The following NTM variants were observed in gnomAD, a reference collection of about 807,000 sequenced individuals.
The protein encoded by NTM is neurotrimin.
NTM carries 13 observed loss-of-function variants against 42.1 expected under a neutral mutation model. The observed-to-expected ratio is 0.31, with a 90% CI of 0.20 to 0.49. The LOEUF is 0.49. Ranked by LOEUF, NTM falls within the 20% of genes least tolerant of loss-of-function variation. The pLI, the probability that NTM is intolerant of heterozygous loss-of-function variation, is 0.99. For missense variants in NTM, 373 were observed against 452.8 expected, an observed-to-expected ratio of 0.82 and a Z score of 1.60; for synonymous variants, 187 against 179.2, an observed-to-expected ratio of 1.04 and a Z score of -0.35.
intron 1 of NTM, among the ~76,000 whole-genome samples, chr11:131,417,833 T>C (rs936301192): frequency 6.6e-6 from 1 of 152,204 alleles, no homozygotes; most frequent in African/African-American, 2.4e-5. Context: ...ATCCACAACA[T>C]GTACTGCTAG....
rs561784777 is a variant in NTM, at chr11:132,070,209, C to T, written c.168-76073C>T. 3.4e-5 allele frequency among the ~76,000 whole-genome samples: 5 copies of T among 145,718 alleles called. No homozygotes were observed. In the South Asian group the frequency reaches 1.1e-3, roughly 33 times the overall value. On this transcript the variant is annotated intron_variant, in intron 2 of 8. Transcript: ENST00000683400. ...CACACAGCCAAGTTAACACGTCAAA[C>T]TGACCATCACAGGTTAGTTAACACG... is the stretch of plus-strand genomic sequence containing the variant.
chr11:132,223,934 C>A (rs552229552), intron 4 of NTM, among the ~76,000 whole-genome samples: 3 of 152,112 alleles, frequency 2.0e-5, no homozygotes, highest in African/African-American at 4.8e-5. Context: ...GTTGCAGTCA[C>A]CCCAGATAAT....
chr11:132,014,736 G>GTTTTTTTTTT (rs146527050), intron 2 of NTM, among the ~76,000 whole-genome samples: 53 of 83,970 alleles, frequency 6.3e-4, no homozygotes, highest in East Asian at 8.9e-4. Context: ...AGAATTACTT[G>GTTTTTTTTTT]TTTTTTTTTT....
At chr11:132,284,187 C>G (rs559058836) in intron 4 of NTM, 3 of 152,400 alleles carry the variant, frequency 2.0e-5, no homozygotes, top group South Asian at 2.1e-4. Context: ...TCTGGGCTTT[C>G]CCCTGGACAC....
At chr11:131,556,494 A>C (rs986414860) in intron 1 of NTM, among the ~76,000 whole-genome samples, 3 of 152,082 alleles carry the variant, frequency 2.0e-5, no homozygotes, top group Admixed American at 2.0e-4. Context: ...TAGACAAATT[A>C]CTTAAAGTTT....
intron 1 of NTM, among the ~76,000 whole-genome samples, chr11:131,816,071 A>G (rs974419580): frequency 1.3e-5 from 2 of 152,158 alleles, no homozygotes; most frequent in African/African-American, 4.8e-5. Flanking sequence ...AAGCTTTCAT[A>G]TTTCCAGATG....
intron 3 of NTM, among the ~76,000 whole-genome samples, chr11:132,189,432 T>G (rs777885833): frequency 9.2e-5 from 14 of 152,282 alleles, no homozygotes; most frequent in Non-Finnish European, 1.8e-4. Flanking sequence ...ACAGGTTTCT[T>G]GTTTAGCTTT....
intron 1 of NTM, among the ~76,000 whole-genome samples, chr11:131,732,531 G>C (rs2079826499): frequency 6.6e-6 from 1 of 152,184 alleles, no homozygotes; most frequent in African/African-American, 2.4e-5. Flanking sequence ...TTCAGAAGGG[G>C]AAATTGGAAG....
intron 1 of NTM, among the ~76,000 whole-genome samples, chr11:131,487,842 G>T (rs1160352014): frequency 6.6e-6 from 1 of 152,226 alleles, no homozygotes; most frequent in African/African-American, 2.4e-5. Flanking sequence ...ACACTGACAG[G>T]TGCAGCTCTG....
At position 131,789,473 on chromosome 11, in the gene NTM, AAG is replaced by A. The variant is rs758451362; in HGVS notation, c.83-122089_83-122088del. ...GAAGAAGAAGAAGAAGAAGAAGAAGAAGAAGAAGAAGAAGAAGAGGAAAGAAG... is the reference window on the plus strand; with the variant it reads ...GAAGAAGAAGAAGAAGAAGAAGAAGAAAGAAGAAGAAGAAGAGGAAAGAAG... On this transcript the variant is annotated intron_variant, in intron 1 of 8. Transcript: ENST00000683400. Among the ~76,000 whole-genome samples, 45 of 13,150 alleles carry A rather than the reference AAG, an allele frequency of 3.4e-3. 11 individuals are homozygous for A. The highest frequency in any genetic ancestry group is 0.013 in the Admixed American group (13 of 966). 8.6% of individuals were successfully genotyped at this position (13,150 alleles called of 152,430 possible).
At chr11:131,686,687 C>G (rs1302691257) in intron 1 of NTM, among the ~76,000 whole-genome samples, 2 of 152,352 alleles carry the variant, frequency 1.3e-5, no homozygotes, top group Non-Finnish European at 2.9e-5. Flanking sequence ...TCAACCGCAT[C>G]TGGTTCAGAA....
intron 2 of NTM, among the ~76,000 whole-genome samples, chr11:131,937,278 T>C (rs1278422701): frequency 6.6e-6 from 1 of 152,268 alleles, no homozygotes; most frequent in Non-Finnish European, 1.5e-5. Flanking sequence ...ATTGGAGTCA[T>C]ACTTTAGTTG....
At chr11:131,768,268 G>A (rs999224021) in intron 1 of NTM, among the ~76,000 whole-genome samples, 7 of 151,796 alleles carry the variant, frequency 4.6e-5, no homozygotes, top group Admixed American at 1.3e-4. Context: ...ATAGGCATGC[G>A]CCACCATGCC....
At chr11:132,208,437 T>G (rs1488979194) in intron 3 of NTM, among the ~76,000 whole-genome samples, 1 of 152,262 alleles carries the variant, frequency 6.6e-6, no homozygotes, top group African/African-American at 2.4e-5. Flanking sequence ...CAAACTGTAT[T>G]CTTAGGCAGA....
In NTM at chr11:131,514,248, A is replaced by C. The variant is rs573201085; in HGVS notation, c.82+143360A>C. ...CTCTGGCTAGGCCCTTGACTTTTTT[A>C]AGTTCTCAAGTTCCTTATCTGTAAA... On this transcript the variant is annotated intron_variant, in intron 1 of 8. Coordinates refer to ENST00000683400, the MANE Select transcript of NTM (RefSeq NM_001352005.2). Among the ~76,000 whole-genome samples, 5 of 152,254 alleles carry C rather than the reference A, an allele frequency of 3.3e-5. No homozygotes were observed. In the South Asian group the frequency reaches 1.0e-3, roughly 32 times the overall value.
At chr11:132,275,633 T>A (rs1489999427) in intron 4 of NTM, among the ~76,000 whole-genome samples, 5 of 139,548 alleles carry the variant, frequency 3.6e-5, no homozygotes, top group Non-Finnish European at 7.9e-5. Context: ...TTTAATTTTT[T>A]ATTGATTTAA....
chr11:131,632,703 T>C (rs12792043), intron 1 of NTM, among the ~76,000 whole-genome samples: 1 of 69,930 alleles, frequency 1.4e-5, no homozygotes, highest in Non-Finnish European at 2.8e-5. Context: ...GAGACGGAGT[T>C]TCGCTCTGTC....
At chr11:132,313,437 C>CCATATTCCCTGAGATCCT (rs1327649120) in intron 6 of NTM, among the ~76,000 whole-genome samples, 1 of 152,148 alleles carries the variant, frequency 6.6e-6, no homozygotes, top group Non-Finnish European at 1.5e-5. Context: ...AGCTTTGTGT[C>CCATATTCCCTGAGATCCT]CATATTCCCT....
intron 1 of NTM, among the ~76,000 whole-genome samples, chr11:131,435,998 G>C (rs996445607): frequency 1.3e-5 from 2 of 152,082 alleles, no homozygotes; most frequent in African/African-American, 2.4e-5. Flanking sequence ...TAGCATGAAG[G>C]GCTGTTCAAT....
Sources: gnomAD v4.1 joint callset for allele counts (sites outside exome capture counted in the v4.1 genomes callset) on GRCh38, gnomAD v4.1.1 for gene constraint, MANE v1.5 for transcripts, NCBI Gene and HGNC (gene_info 2026-07-23, HGNC 2026-07-21) for gene names.